AP4S1: variants seen among roughly 807,000 people sequenced by gnomAD.
The protein encoded by AP4S1 is AP-4 complex subunit sigma-1.
Under a neutral mutation model 19.8 loss-of-function variants are expected in AP4S1, and 23 were observed. That is an observed-to-expected ratio of 1.16 (90% confidence interval 0.84 to 1.65). The LOEUF is 1.65. AP4S1 is among the 40% of genes most tolerant of loss of function. The pLI, the probability that AP4S1 is intolerant of heterozygous loss-of-function variation, is 0.00. For missense variants in AP4S1, 166 were observed against 172.8 expected (o/e 0.96, Z 0.22); for synonymous variants, 46 against 54.1 (o/e 0.85, Z 0.66).
intron 5 of AP4S1, among the ~76,000 whole-genome samples, chr14:31,081,685 A>G (rs565185078): frequency 9.2e-5 from 14 of 151,576 alleles, no homozygotes; most frequent in Non-Finnish European, 4.4e-5. Context: ...TATAACAACT[A>G]TATATGAATT....
At chr14:31,038,870 A>G (rs533243115) in intron 1 of AP4S1, among the ~76,000 whole-genome samples, 1 of 152,296 alleles carries the variant, frequency 6.6e-6, no homozygotes, top group African/African-American at 2.4e-5. Flanking sequence ...GTATTAGCAC[A>G]TTGTATTACC....
intron 1 of AP4S1, among the ~76,000 whole-genome samples, chr14:31,049,149 C>A: frequency 6.6e-6 from 1 of 151,548 alleles, no homozygotes; most frequent in East Asian, 1.9e-4. Context: ...CGTGGTGGCT[C>A]ACGCCTGTAA....
chr14:31,055,093 G>A (rs960899034), intron 1 of AP4S1, among the ~76,000 whole-genome samples: 18 of 149,970 alleles, frequency 1.2e-4, no homozygotes, highest in African/African-American at 4.4e-4. Flanking sequence ...TGTATATCAT[G>A]TAAATAATTA....
At chr14:31,036,820 CT>C (rs568039772) in intron 1 of AP4S1, among the ~76,000 whole-genome samples, 30 of 151,880 alleles carry the variant, frequency 2.0e-4, no homozygotes, top group Admixed American at 9.9e-4. Flanking sequence ...TCCTCTTTTT[CT>C]TTTTTTTCTT....
chr14:31,058,369 A>C (rs1322290504), intron 1 of AP4S1, among the ~76,000 whole-genome samples: 1 of 152,110 alleles, frequency 6.6e-6, no homozygotes, highest in African/African-American at 2.4e-5. Flanking sequence ...TTCCCTTGCT[A>C]GGGCATCCTA....
At chr14:31,067,285 A>G (rs905248262) in intron 2 of AP4S1, among the ~76,000 whole-genome samples, 1 of 145,880 alleles carries the variant, frequency 6.9e-6, no homozygotes, top group Non-Finnish European at 1.5e-5. Context: ...GTTTTTTTTT[A>G]TTATACTTTT....
rs1389527102 is a variant in AP4S1, at chr14:31,039,579, T to TG, written c.-72+13792_-72+13793insG. Among the ~76,000 whole-genome samples the TG allele has an allele frequency of 8.2e-4, 110 of 134,648 alleles. 1 individual carries two copies. Among genetic ancestry groups the TG allele is most frequent in the African/African-American group, 2.5e-3 (98 of 38,844 alleles). The allele number at this position is 134,648 out of a possible 152,430, so 88.3% of individuals were successfully genotyped here. On this transcript the variant is annotated intron_variant, in intron 1 of 5. Coordinates refer to ENST00000542754, the MANE Select transcript of AP4S1 (RefSeq NM_001128126.3). ...TACAATAGGTGTAGTTTTGTTTTTT[T>TG]TTTTTTTTTTTGAGACGGAGTTTCG...
intron 1 of AP4S1, among the ~76,000 whole-genome samples, chr14:31,035,036 T>G (rs190025299): frequency 6.6e-6 from 1 of 152,266 alleles, no homozygotes; most frequent in East Asian, 1.9e-4. Flanking sequence ...ACTCTACTTT[T>G]TTTCTGTGTG....
chr14:31,084,287 C>T (rs568508956), intron 5 of AP4S1, among the ~76,000 whole-genome samples: 16 of 152,304 alleles, frequency 1.1e-4, no homozygotes, highest in African/African-American at 3.1e-4. Context: ...CTGTCTTTTT[C>T]TCCAGAGGCT....
rs368658371 is a variant in AP4S1 at position 31,069,864 on chromosome 14, G to T, written c.160G>T (p.Asp54Tyr). 1.1e-5 allele frequency: 17 copies of T among 1,612,982 alleles called. No homozygotes were observed. The African/African-American group carries it at 1.9e-4, about 18-fold the overall frequency. The stretch of plus-strand genomic sequence containing the variant: ...CTAGTGCTCTTTCATTGAATATAAG[G>T]ATTTTAAGCTGATATATCGGCAGTA... ...NEQCSFIEYK[D>Y]FKLIYRQYAA... The change falls in exon 3 of 6, where the codon GAT (aspartate) becomes TAT (tyrosine). Residue 54 changes from aspartate (D) to tyrosine (Y), a missense_variant. Asp to Tyr is a radical substitution (Grantham distance 160, BLOSUM62 -3). Transcript: ENST00000542754.
chr14:31,041,015 A>C (rs1299269031), intron 1 of AP4S1, among the ~76,000 whole-genome samples: 1 of 150,866 alleles, frequency 6.6e-6, no homozygotes, highest in Non-Finnish European at 1.5e-5. Context: ...GGTGGAGCTA[A>C]CAGTGAGCTG....
At chr14:31,070,287 C>A (rs891618120) in intron 3 of AP4S1, among the ~76,000 whole-genome samples, 2 of 152,168 alleles carry the variant, frequency 1.3e-5, no homozygotes, top group African/African-American at 4.8e-5. Flanking sequence ...AAGAGACAGG[C>A]TAGAGTGCAA....
At chr14:31,085,108 G>T (rs1887862916) in intron 5 of AP4S1, 2 of 1,353,098 alleles carry the variant, frequency 1.5e-6, no homozygotes, top group Non-Finnish European at 1.9e-6. Context: ...CGGGCCCTGT[G>T]CTCTAGAAGG....
chr14:31,061,308 C>T lies in AP4S1; in HGVS notation c.-71-4818C>T, dbSNP rs147875125. Among the ~76,000 whole-genome samples, 161 of 152,260 alleles carry T rather than the reference C, an allele frequency of 1.1e-3. 3 individuals are homozygous for T. The highest frequency in any genetic ancestry group is 3.4e-3 in the Middle Eastern group (1 of 294). Reference sequence around the variant, plus strand: ...TGCTGGGATTACCGGCGTGAGCCACCGCTTGCCTGGGCAGTCAACTCTACC... The same window carrying T: ...TGCTGGGATTACCGGCGTGAGCCACTGCTTGCCTGGGCAGTCAACTCTACC... On this transcript the variant is annotated intron_variant, in intron 1 of 5. Coordinates refer to ENST00000542754, the MANE Select transcript of AP4S1 (RefSeq NM_001128126.3).
intron 5 of AP4S1, among the ~76,000 whole-genome samples, chr14:31,089,834 C>CG (rs1888027863): frequency 6.6e-6 from 1 of 152,086 alleles, no homozygotes; most frequent in Non-Finnish European, 1.5e-5. Context: ...CACAAGAGTT[C>CG]CTTGAACCTA....
chr14:31,060,310 G>C (rs1886366780), intron 1 of AP4S1, among the ~76,000 whole-genome samples: 3 of 152,002 alleles, frequency 2.0e-5, no homozygotes, highest in Admixed American at 2.0e-4. Flanking sequence ...TGTGGGACTT[G>C]AGTATGCACG....
intron 1 of AP4S1, among the ~76,000 whole-genome samples, chr14:31,032,066 T>C (rs1884422518): frequency 7.5e-6 from 1 of 133,442 alleles, no homozygotes; most frequent in African/African-American, 2.9e-5. Context: ...AGTGAGACCT[T>C]GTCCCAAAAA....
intron 1 of AP4S1, among the ~76,000 whole-genome samples, chr14:31,047,862 G>T (rs991681722): frequency 1.3e-5 from 2 of 152,068 alleles, no homozygotes; most frequent in African/African-American, 4.8e-5. Context: ...TTTTAGTAGA[G>T]ATGAGGGTTT....
chr14:31,071,083 G>A (rs1005260774), intron 3 of AP4S1, among the ~76,000 whole-genome samples: 2 of 152,062 alleles, frequency 1.3e-5, no homozygotes, highest in African/African-American at 4.8e-5. Flanking sequence ...TCAAAAGCCA[G>A]AGAAAACTCT....
Sources: allele counts gnomAD v4.1 joint callset (sites outside exome capture counted in the v4.1 genomes callset), GRCh38; gene constraint gnomAD v4.1.1; transcripts MANE v1.5; gene names NCBI Gene and HGNC (gene_info 2026-07-23, HGNC 2026-07-21).